The following MECOM variants were observed in gnomAD, a reference collection of about 807,000 sequenced individuals.
MECOM encodes MDS1 and EVI1 complex locus.
In MECOM, 13 loss-of-function variants were observed where a neutral mutation model predicts 116.3. The observed-to-expected ratio is 0.11, with a 90% CI of 0.07 to 0.18. The LOEUF is 0.18. Among genes scored for constraint, MECOM ranks in the 10% least tolerant of loss-of-function variants. The pLI, the probability that MECOM is intolerant of heterozygous loss-of-function variation, is 1.00. For missense variants in MECOM, 1,299 were observed against 1,509.0 expected (o/e 0.86, Z 2.31); for synonymous variants, 528 against 535.2 (o/e 0.99, Z 0.19).
intron 10 of MECOM, among the ~76,000 whole-genome samples, chr3:169,103,159 C>G (rs1724172802): frequency 6.6e-6 from 1 of 151,294 alleles, no homozygotes. Context: ...GAGATGGAGT[C>G]TCACTATGTT....
At chr3:169,570,702 C>T (rs535093313) in intron 1 of MECOM, among the ~76,000 whole-genome samples, 2 of 152,254 alleles carry the variant, frequency 1.3e-5, no homozygotes, top group East Asian at 3.9e-4. Context: ...AATCTATAAA[C>T]ATAATCCATC....
In MECOM at chr3:169,415,776, G is replaced by C. The variant is rs543633525; in HGVS notation, c.38-34252C>G. ...CTTTAAACCAACAAATATAAAAAAA[G>C]ACAAAGAAGGGCATTGCATAAAGGA... On this transcript the variant is annotated intron_variant, in intron 1 of 16. Coordinates refer to ENST00000651503, the MANE Select transcript of MECOM (RefSeq NM_004991.4). Among the ~76,000 whole-genome samples the C allele has an allele frequency of 2.6e-5, 4 of 151,994 alleles. No individual in the cohort carries two copies. The South Asian group carries it at 8.3e-4, about 32-fold the overall frequency.
At chr3:169,276,237 A>G (rs1195485593) in intron 2 of MECOM, among the ~76,000 whole-genome samples, 1 of 152,156 alleles carries the variant, frequency 6.6e-6, no homozygotes, top group African/African-American at 2.4e-5. Context: ...CACAAGTAAT[A>G]CGAGACTATG....
chr3:169,457,139 T>TC (rs1746660048), intron 1 of MECOM, among the ~76,000 whole-genome samples: 1 of 152,026 alleles, frequency 6.6e-6, no homozygotes, highest in Non-Finnish European at 1.5e-5. Context: ...TAAAACCAGC[T>TC]CCCCTGCTGG....
chr3:169,258,202 A>T (rs547226587), intron 2 of MECOM, among the ~76,000 whole-genome samples: 1 of 152,264 alleles, frequency 6.6e-6, no homozygotes, highest in Non-Finnish European at 1.5e-5. Flanking sequence ...CCTGGGTGAC[A>T]GAGAAAGACT....
At chr3:169,121,319 TC>T in intron 6 of MECOM, 110 bp from the exon 7 acceptor site, 2 of 1,191,348 alleles carry the variant, frequency 1.7e-6, no homozygotes, top group Non-Finnish European at 1.1e-6. Flanking sequence ...GTTTTTCTTT[TC>T]CCCAAAGACC....
intron 1 of MECOM, among the ~76,000 whole-genome samples, chr3:169,399,050 C>G (rs1458654330): frequency 6.6e-6 from 1 of 152,102 alleles, no homozygotes; most frequent in African/African-American, 2.4e-5. Context: ...AAACGTACCT[C>G]AAAACATATC....
intron 1 of MECOM, among the ~76,000 whole-genome samples, chr3:169,548,555 C>T (rs998406823): frequency 3.3e-5 from 5 of 152,326 alleles, no homozygotes; most frequent in African/African-American, 1.2e-4. Flanking sequence ...GGGAATAAAC[C>T]TCCTGCAACA....
intron 2 of MECOM, among the ~76,000 whole-genome samples, chr3:169,272,160 T>C (rs1759026374): frequency 6.6e-6 from 1 of 152,158 alleles, no homozygotes; most frequent in Non-Finnish European, 1.5e-5. Context: ...CTTGGAAGAT[T>C]AACCCTTTGG....
At chr3:169,305,659 T>A (rs1370078806) in intron 2 of MECOM, among the ~76,000 whole-genome samples, 1 of 152,216 alleles carries the variant, frequency 6.6e-6, no homozygotes, top group Non-Finnish European at 1.5e-5. Flanking sequence ...CTGAAATATA[T>A]GATTAGTGTT....
At chr3:169,182,550 C>G (rs1746106425) in intron 2 of MECOM, among the ~76,000 whole-genome samples, 1 of 152,200 alleles carries the variant, frequency 6.6e-6, no homozygotes, top group Admixed American at 6.5e-5. Flanking sequence ...CAAGAACTCA[C>G]AAGTGTAGAG....
At chr3:169,330,516 C>T (rs1262074139) in intron 2 of MECOM, among the ~76,000 whole-genome samples, 1 of 151,980 alleles carries the variant, frequency 6.6e-6, no homozygotes, top group Non-Finnish European at 1.5e-5. Context: ...ATAATATTTC[C>T]ATCAGTCTGT....
intron 3 of MECOM, among the ~76,000 whole-genome samples, chr3:169,133,674 T>A (rs1338375404): frequency 6.6e-6 from 1 of 152,162 alleles, no homozygotes; most frequent in African/African-American, 2.4e-5. Context: ...ATAAAAAAAA[T>A]AGTTTATTTG....
At chr3:169,428,507 G>T (rs1402962232) in intron 1 of MECOM, among the ~76,000 whole-genome samples, 1 of 152,196 alleles carries the variant, frequency 6.6e-6, no homozygotes. Context: ...ATGCGGCCCA[G>T]TTCCTAACAG....
intron 1 of MECOM, among the ~76,000 whole-genome samples, chr3:169,412,666 G>C (rs1317526778): frequency 6.6e-6 from 1 of 152,148 alleles, no homozygotes; most frequent in Non-Finnish European, 1.5e-5. Context: ...TTATAATAAT[G>C]TTTGACTTCA....
At chr3:169,545,231 T>C (rs1313131906) in intron 1 of MECOM, among the ~76,000 whole-genome samples, 4 of 152,130 alleles carry the variant, frequency 2.6e-5, no homozygotes, top group Admixed American at 6.5e-5. Flanking sequence ...GACCAGTCAA[T>C]AGTTTGTTGA....
intron 1 of MECOM, among the ~76,000 whole-genome samples, chr3:169,514,734 G>A (rs12630817): frequency 0.22 from 33,810 of 152,074 alleles, 4,353 homozygotes; most frequent in Non-Finnish European, 0.29. Context: ...GCAGATGCCC[G>A]ATGAATGTTC....
At chr3:169,220,678 T>C (rs1378367934) in intron 2 of MECOM, among the ~76,000 whole-genome samples, 1 of 152,152 alleles carries the variant, frequency 6.6e-6, no homozygotes, top group Non-Finnish European at 1.5e-5. Flanking sequence ...TTTCTCCATG[T>C]TGGCTAGGCT....
At chr3:169,191,338 A>G (rs941423936) in intron 2 of MECOM, among the ~76,000 whole-genome samples, 9 of 150,452 alleles carry the variant, frequency 6.0e-5, no homozygotes, top group African/African-American at 2.2e-4. Context: ...AGGAGTAAAG[A>G]AGAGCACCTG....
Sources: allele counts gnomAD v4.1 joint callset (sites outside exome capture counted in the v4.1 genomes callset), GRCh38; gene constraint gnomAD v4.1.1; transcripts MANE v1.5; gene names NCBI Gene and HGNC (gene_info 2026-07-23, HGNC 2026-07-21).